PAPPA: variants seen among roughly 807,000 people sequenced by gnomAD.
PAPPA encodes the protein pappalysin-1.
Under a neutral mutation model 164.0 loss-of-function variants are expected in PAPPA, and 60 were observed. That is an observed-to-expected ratio of 0.37 (90% CI 0.30 to 0.45). The LOEUF (loss-of-function observed/expected upper bound fraction) is 0.45, where lower values mean the gene tolerates loss of function less well. Ranked by LOEUF, PAPPA falls within the 20% of genes least tolerant of loss-of-function variation. PAPPA has a pLI of 1.00. For missense variants in PAPPA, 1,782 were observed against 2,087.3 expected (o/e 0.85, Z 2.85); for synonymous variants, 875 against 814.1 (o/e 1.07, Z -1.27).
At chr9:116,185,570 C>A (rs775442029) in intron 1 of PAPPA, among the ~76,000 whole-genome samples, 12 of 152,170 alleles carry the variant, frequency 7.9e-5, no homozygotes, top group Non-Finnish European at 1.6e-4. Context: ...AAATGAGCAT[C>A]TTTTATTCAC....
chr9:116,357,920 C>T (rs1846374639), intron 17 of PAPPA, among the ~76,000 whole-genome samples: 1 of 152,166 alleles, frequency 6.6e-6, no homozygotes, highest in African/African-American at 2.4e-5. Context: ...ACACACCCAG[C>T]TCATTGCACA....
chr9:116,367,747 G>C lies in PAPPA; in HGVS notation c.4598G>C (p.Arg1533Pro). The C allele has an allele frequency of 4.3e-6, 7 of 1,610,590 alleles. No individual in the cohort carries two copies. The highest frequency in any genetic ancestry group is 5.9e-6 in the Non-Finnish European group (7 of 1,177,006). The change falls in exon 19 of 22, where the codon CGG becomes CCG. Residue 1533 changes from arginine to proline, a missense_variant. Around this residue, in one of 2 missense-constraint regions of PAPPA, gnomAD observed 1,324 missense variants for 1,656.9 expected, o/e 0.80. Coordinates refer to ENST00000328252, the MANE Select transcript of PAPPA (RefSeq NM_002581.5). ...ATCCCCCACTGGCTGAACCCCACAC[G>C]GGTAGAGGTGAGTGACCAGGGACAT... ...RDIPHWLNPT[R>P]VERVVCTAGL...
chr9:116,371,166 C>G (rs1846567941), intron 19 of PAPPA, among the ~76,000 whole-genome samples: 3 of 134,590 alleles, frequency 2.2e-5, no homozygotes, highest in Non-Finnish European at 4.8e-5. Context: ...CCTGTAATCC[C>G]AGCACATTGT....
intron 17 of PAPPA, among the ~76,000 whole-genome samples, chr9:116,359,988 C>T (rs1846403287): frequency 6.6e-6 from 1 of 152,248 alleles, no homozygotes; most frequent in Non-Finnish European, 1.5e-5. Context: ...CCAATGATAA[C>T]AAAACCAGTG....
intron 21 of PAPPA, among the ~76,000 whole-genome samples, chr9:116,393,598 G>A (rs771831283): frequency 1.3e-5 from 2 of 152,074 alleles, no homozygotes; most frequent in Admixed American, 6.5e-5. Context: ...CTATTAGGTT[G>A]GTGCAAAAGT....
At chr9:116,341,423 C>T (rs952326763) in intron 13 of PAPPA, among the ~76,000 whole-genome samples, 24 of 152,300 alleles carry the variant, frequency 1.6e-4, no homozygotes, top group African/African-American at 4.8e-4. Flanking sequence ...ACCTGCTCTT[C>T]CCTCTGCCTG....
intron 9 of PAPPA, among the ~76,000 whole-genome samples, chr9:116,289,247 C>CCAT (rs1845395036): frequency 1.9e-5 from 1 of 52,156 alleles, no homozygotes; most frequent in Non-Finnish European, 3.7e-5. Context: ...ATATATATAG[C>CCAT]ATATATGTAG....
chr9:116,172,235 A>C (rs1383866745), intron 1 of PAPPA, among the ~76,000 whole-genome samples: 1 of 152,196 alleles, frequency 6.6e-6, no homozygotes, highest in Non-Finnish European at 1.5e-5. Flanking sequence ...AGCAATCTTC[A>C]GAGTGCATAT....
chr9:116,163,264 G>A (rs1008543425), intron 1 of PAPPA, among the ~76,000 whole-genome samples: 1 of 152,170 alleles, frequency 6.6e-6, no homozygotes, highest in African/African-American at 2.4e-5. Flanking sequence ...AGTTGAGAAG[G>A]AAGTCTAGGA....
chr9:116,187,107 C>A lies in PAPPA; in HGVS notation c.416-47C>A. On this transcript the variant is annotated intron_variant, in intron 1 of 21. Coordinates refer to ENST00000328252, the MANE Select transcript of PAPPA (RefSeq NM_002581.5). The surrounding 1 kb of genome is among the most constrained non-coding windows in gnomAD (Gnocchi z 4.2). ...GAGAAAAATAACTTAACCCCCCCTC[C>A]TTTTCCATCCTTTATTTATTCATCT... is the stretch of plus-strand genomic sequence containing the variant. The A allele has an allele frequency of 7.2e-7, 1 of 1,393,234 alleles. No homozygotes were observed. Among genetic ancestry groups the A allele is most frequent in the Non-Finnish European group, 1.0e-6 (1 of 990,878 alleles). The allele number at this position is 1,393,234 out of a possible 1,614,324, so 86.3% of individuals were successfully genotyped here.
intron 10 of PAPPA, among the ~76,000 whole-genome samples, chr9:116,322,805 T>G (rs1845875901): frequency 1.3e-5 from 2 of 152,198 alleles, no homozygotes; most frequent in Admixed American, 1.3e-4. Flanking sequence ...TGTGTCTGTG[T>G]TTGTGTGTGT....
intron 13 of PAPPA, among the ~76,000 whole-genome samples, chr9:116,338,226 C>G (rs147609119): frequency 9.2e-5 from 14 of 152,262 alleles, no homozygotes; most frequent in African/African-American, 2.9e-4. Context: ...TCCTTTCATG[C>G]TTCCTTTCTT....
chr9:116,163,266 A>T (rs576136060), intron 1 of PAPPA, among the ~76,000 whole-genome samples: 1 of 152,288 alleles, frequency 6.6e-6, no homozygotes, highest in Non-Finnish European at 1.5e-5. Context: ...TTGAGAAGGA[A>T]GTCTAGGAAT....
At chr9:116,353,511 G>A in intron 16 of PAPPA, 111 bp from the exon 17 acceptor site, 2 of 939,564 alleles carry the variant, frequency 2.1e-6, no homozygotes, top group Non-Finnish European at 1.6e-6. Flanking sequence ...GTCAGGTGGG[G>A]AATCAAAACT....
Position 116,275,881 on chromosome 9 carries a change from T to C in PAPPA, c.2953+4465T>C, listed in dbSNP as rs565297089. On this transcript the variant is annotated intron_variant, in intron 9 of 21. Transcript: ENST00000328252. ...CGGAAGTATTCCCAAGGTGCCAGTG[T>C]GTTATTATGCAACACCCTGGGGACT... 1.8e-4 allele frequency among the ~76,000 whole-genome samples: 27 copies of C among 152,226 alleles called. 2 individuals carry two copies. The South Asian group carries it at 5.6e-3, about 32-fold the overall frequency.
At position 116,399,870 on chromosome 9, in the gene PAPPA, G is replaced by A. The variant is rs1027512675; in HGVS notation, c.*3254G>A. 5 of 152,538 alleles carry A rather than the reference G, an allele frequency of 3.3e-5. No individual in the cohort carries two copies. The highest frequency in any genetic ancestry group is 1.9e-4 in the East Asian group (1 of 5,186). The allele number at this position is 152,538 out of a possible 1,614,324, so 9.4% of individuals were successfully genotyped here. ...CAACACATTGAGTCACTGCCTAGACGGTTCTCTTGGTCTTATTCCCATCCT... is the reference window on the plus strand; with the variant it reads ...CAACACATTGAGTCACTGCCTAGACAGTTCTCTTGGTCTTATTCCCATCCT... On this transcript the variant is annotated 3_prime_UTR_variant, in exon 22 of 22. Transcript: ENST00000328252.
intron 17 of PAPPA, among the ~76,000 whole-genome samples, chr9:116,360,320 C>T (rs1167624549): frequency 1.3e-5 from 2 of 152,184 alleles, no homozygotes; most frequent in Non-Finnish European, 2.9e-5. Context: ...TGCCACGAGC[C>T]CCTACAGAAC....
chr9:116,156,504 G>A (rs28729821), intron 1 of PAPPA, among the ~76,000 whole-genome samples: 3,995 of 151,732 alleles, frequency 0.026, 72 homozygotes, highest in African/African-American at 0.057. Context: ...ATTGGATGGG[G>A]GGCGTTAGGT....
intron 8 of PAPPA, among the ~76,000 whole-genome samples, chr9:116,268,706 T>TC (rs1252691073): frequency 3.0e-5 from 4 of 133,882 alleles, no homozygotes; most frequent in South Asian, 4.8e-4. Flanking sequence ...TTAATACAGT[T>TC]TTTTTTTAGT....
Sources: gnomAD v4.1 joint callset for allele counts (sites outside exome capture counted in the v4.1 genomes callset) on GRCh38, gnomAD v4.1.1 for gene constraint, gnomAD v4.1.1 regional missense constraint, Gnocchi (gnomAD v3.1) non-coding constraint, MANE v1.5 for transcripts, NCBI Gene and HGNC (gene_info 2026-07-23, HGNC 2026-07-21) for gene names.